Variants in DYSF observed in about 807,000 individuals in gnomAD.
DYSF encodes dysferlin, also known as dystrophy-associated fer-1-like 1.
A neutral mutation model predicts 274.9 loss-of-function variants in DYSF; 212 were observed. The observed-to-expected ratio is 0.77, with a 90% CI of 0.69 to 0.86. DYSF has a LOEUF of 0.86. Among genes scored for constraint, DYSF ranks in the 40% least tolerant of loss-of-function variants. The pLI, the probability that DYSF is intolerant of heterozygous loss-of-function variation, is 0.00. For missense variants in DYSF, 2,666 were observed against 2,783.2 expected (o/e 0.96, Z 0.95); for synonymous variants, 1,091 against 1,078.7 (o/e 1.01, Z -0.22).
chr2:71,656,367 C>A, intron 43 of DYSF, 77 bp downstream of exon 43: 1 of 1,596,166 alleles, frequency 6.3e-7, no homozygotes, highest in South Asian at 1.1e-5. Flanking sequence ...GGGGAGGGGT[C>A]GTACCTACAC....
intron 54 of DYSF, 132 bp from the exon 55 acceptor site, chr2:71,682,398 G>C: frequency 1.8e-6 from 2 of 1,129,262 alleles, no homozygotes; most frequent in South Asian, 1.2e-5. Flanking sequence ...GCTAGTTTAG[G>C]GACAGGGCCT....
chr2:71,494,035 G>GA (rs2084139972), intron 3 of DYSF, among the ~76,000 whole-genome samples: 1 of 152,162 alleles, frequency 6.6e-6, no homozygotes, highest in South Asian at 2.1e-4. Context: ...TTGCAGAAGT[G>GA]TTTTTTGAGT....
At chr2:71,566,428 CAGTAGCTCCTG>C in intron 24 of DYSF, among the ~76,000 whole-genome samples, 1 of 151,436 alleles carries the variant, frequency 6.6e-6, no homozygotes, top group South Asian at 2.1e-4. Context: ...TGAGCCCCGC[CAGTAGCTCCTG>C]AGCAAGCTCT....
chr2:71,505,379 C>T (rs1046526810), intron 4 of DYSF, among the ~76,000 whole-genome samples: 3 of 152,208 alleles, frequency 2.0e-5, no homozygotes, highest in African/African-American at 7.2e-5. Flanking sequence ...CAGAGCATGC[C>T]AGGTGCCCCC....
At chr2:71,476,449 G>A (rs888249655) in intron 1 of DYSF, among the ~76,000 whole-genome samples, 2 of 151,612 alleles carry the variant, frequency 1.3e-5, no homozygotes, top group African/African-American at 4.9e-5. Context: ...GCTGAGGCAT[G>A]AGAATCGCTT....
At chr2:71,453,807 C>A (rs2080936384) in exon 1 of DYSF, 4 of 645,388 alleles carry the variant, frequency 6.2e-6, no homozygotes, top group Non-Finnish European at 1.1e-5. Context: ...CCCAGCCTAG[C>A]CCACTGGAGC....
chr2:71,454,693 C>T (rs768518587), intron 1 of DYSF, among the ~76,000 whole-genome samples: 2 of 152,220 alleles, frequency 1.3e-5, no homozygotes, highest in Non-Finnish European at 2.9e-5. Flanking sequence ...CCCCAACGGA[C>T]CAGTGGGTGG....
chr2:71,558,610 C>A (rs2091494899), intron 22 of DYSF, among the ~76,000 whole-genome samples: 3 of 152,186 alleles, frequency 2.0e-5, no homozygotes, highest in Admixed American at 1.3e-4. Flanking sequence ...ATATCTGAGA[C>A]CTGTGGGCCC....
intron 22 of DYSF, among the ~76,000 whole-genome samples, chr2:71,561,432 G>C (rs1467168196): frequency 1.3e-5 from 2 of 152,188 alleles, no homozygotes; most frequent in Non-Finnish European, 2.9e-5. Flanking sequence ...AGTCAGTGGG[G>C]CAGAGGGGAA....
At chr2:71,557,449 C>T (rs2091416525) in intron 22 of DYSF, among the ~76,000 whole-genome samples, 2 of 152,172 alleles carry the variant, frequency 1.3e-5, no homozygotes, top group Non-Finnish European at 2.9e-5. Flanking sequence ...CCGAGGGTCT[C>T]TGCTAAGGAG....
intron 32 of DYSF, among the ~76,000 whole-genome samples, chr2:71,590,527 T>G (rs1045683367): frequency 4.6e-5 from 7 of 152,186 alleles, no homozygotes; most frequent in Non-Finnish European, 5.9e-5. Flanking sequence ...CCCCTTGGCC[T>G]TGGCTCTAGC....
chr2:71,513,318 G>C lies in DYSF; in HGVS notation c.539G>C (p.Trp180Ser), dbSNP rs1451825416. 3.5e-5 allele frequency: 54 copies of C among 1,551,620 alleles called. No homozygotes were observed. The highest frequency in any genetic ancestry group is 4.7e-5 in the Non-Finnish European group (54 of 1,146,946). ...TMDTRYSGKK[W>S]PAPTDTGGEE... ...GACACGAGATACTCTGGAAAGAAGT[G>C]GCCGGCCCCCACGGGTGAGACACGG... The change falls in exon 6 of 56, where the codon TGG becomes TCG. Residue 180 changes from tryptophan (W) to serine (S), a missense_variant. By Grantham distance (177) the Trp-to-Ser change is radical (BLOSUM62 -3). This residue lies in a region of DYSF where 794 missense variants were observed against 777.1 expected (regional missense o/e 1.02). Transcript: ENST00000410020.
rs1055577075 is a variant in DYSF at position 71,589,497 on chromosome 2, A to T, written c.3403-96A>T. 1.1e-5 allele frequency: 11 copies of T among 959,376 alleles called. No homozygotes were observed. The African/African-American group carries it at 1.4e-4, about 13-fold the overall frequency. 59.4% of individuals were successfully genotyped at this position (959,376 alleles called of 1,614,324 possible). ...GAGTTCAGCTTTCGGCAGCGGAGAG[A>T]TCTCCTGGCCCTGGGGATCTAACTC... On this transcript the variant is annotated intron_variant, in intron 30 of 55. Transcript: ENST00000410020.
At chr2:71,491,990 G>T (rs931047839) in intron 3 of DYSF, among the ~76,000 whole-genome samples, 1 of 152,188 alleles carries the variant, frequency 6.6e-6, no homozygotes, top group East Asian at 1.9e-4. Flanking sequence ...CCCGCTTCTG[G>T]CATGCTTGGG....
At chr2:71,658,047 C>T (rs985567582) in intron 43 of DYSF, among the ~76,000 whole-genome samples, 2 of 152,290 alleles carry the variant, frequency 1.3e-5, no homozygotes, top group South Asian at 4.1e-4. Flanking sequence ...TGCTCTGTTT[C>T]CCTTTTAAAA....
intron 1 of DYSF, among the ~76,000 whole-genome samples, chr2:71,460,237 C>A (rs996977541): frequency 2.0e-5 from 3 of 152,196 alleles, no homozygotes; most frequent in African/African-American, 7.2e-5. Flanking sequence ...ACAACGTGGT[C>A]CATGATGGCG....
At chr2:71,525,131 T>A (rs13393325) in intron 12 of DYSF, among the ~76,000 whole-genome samples, 71,511 of 151,996 alleles carry the variant, frequency 0.47, 17,443 homozygotes, top group Non-Finnish European at 0.52. Flanking sequence ...TACAAGCCAC[T>A]GCTGCATGGG....
At chr2:71,639,211 A>G (rs1376400800) in intron 41 of DYSF, among the ~76,000 whole-genome samples, 1 of 152,158 alleles carries the variant, frequency 6.6e-6, no homozygotes, top group African/African-American at 2.4e-5. Flanking sequence ...AGTTCTCTAT[A>G]TATTCTGGAT....
Position 71,481,695 on chromosome 2 carries a change from T to TATCCATCCATCC in DYSF, c.148-161_148-150dup, listed in dbSNP as rs56102566. Among the ~76,000 whole-genome samples the TATCCATCCATCC allele has an allele frequency of 0.13, 15,950 of 124,410 alleles. 1,122 individuals carry two copies. Among genetic ancestry groups the TATCCATCCATCC allele is most frequent in the East Asian group, 0.34 (1,001 of 2,908 alleles). 81.6% of individuals were successfully genotyped at this position (124,410 alleles called of 152,430 possible). A position where few individuals can be genotyped will look rare whatever the true frequency, so the allele number is the denominator to read the frequency against. On this transcript the variant is annotated intron_variant, in intron 2 of 55. Transcript: ENST00000410020. ...AATTTCTGGATCTGTGGTCTTCATC[T>TATCCATCCATCC]ATCCATCCATCCATCCATCCATCCA... is the stretch of plus-strand genomic sequence containing the variant.
Sources: allele counts gnomAD v4.1 joint callset (sites outside exome capture counted in the v4.1 genomes callset), GRCh38; gene constraint gnomAD v4.1.1; regional missense constraint gnomAD v4.1.1; transcripts MANE v1.5; gene names NCBI Gene and HGNC (gene_info 2026-07-23, HGNC 2026-07-21).